Variants in AP1M1 observed in about 807,000 individuals in gnomAD.
AP1M1 encodes adaptor related protein complex 1 subunit mu 1.
AP1M1 carries 18 observed loss-of-function variants against 57.1 expected under a neutral mutation model. The observed-to-expected ratio is 0.32, with a 90% CI of 0.22 to 0.47. The LOEUF (loss-of-function observed/expected upper bound fraction) is 0.47, where lower values mean the gene tolerates loss of function less well. AP1M1 is among the 20% of genes least tolerant of loss of function. AP1M1 has a pLI of 1.00. For missense variants in AP1M1, 362 were observed against 593.5 expected (o/e 0.61, Z 4.05); for synonymous variants, 241 against 237.9 (o/e 1.01, Z -0.12).
chr19:16,210,340 A>G (rs1191937615), intron 5 of AP1M1: 13 of 717,278 alleles, frequency 1.8e-5, no homozygotes, highest in East Asian at 5.4e-5. Context: ...ATGTGTGGAC[A>G]TAAGTTTTCA....
chr19:16,221,038 T>C (rs1216565253), intron 5 of AP1M1, among the ~76,000 whole-genome samples: 1 of 152,244 alleles, frequency 6.6e-6, no homozygotes, highest in African/African-American at 2.4e-5. Flanking sequence ...TTGGGATTTG[T>C]TCAGCTTCTT....
intron 4 of AP1M1, 131 bp from the exon 5 acceptor site, chr19:16,208,899 C>A (rs1161160792): frequency 7.2e-6 from 8 of 1,109,578 alleles, no homozygotes; most frequent in Non-Finnish European, 8.9e-6. Context: ...CTGCTGAAAT[C>A]CAAGGGCTAT....
chr19:16,223,753 G>A lies in AP1M1; in HGVS notation c.547-2668G>A, dbSNP rs116681682. On this transcript the variant is annotated intron_variant, in intron 5 of 11. Coordinates refer to ENST00000291439, the MANE Select transcript of AP1M1 (RefSeq NM_032493.4). ...GCGGTGGGAACACTCTGCATTCGTG[G>A]CTCTTCCCTGGTCCACCTGCTGCTG... is the stretch of plus-strand genomic sequence containing the variant. Among the ~76,000 whole-genome samples the A allele has an allele frequency of 3.3e-3, 496 of 152,304 alleles. 2 individuals are homozygous for A. The highest frequency in any genetic ancestry group is 0.011 in the African/African-American group (469 of 41,566).
intron 5 of AP1M1, among the ~76,000 whole-genome samples, chr19:16,219,064 GTTT>G (rs35202979): frequency 7.0e-6 from 1 of 142,910 alleles, no homozygotes; most frequent in Non-Finnish European, 1.5e-5. Context: ...TTTGCTAACA[GTTT>G]TTTTTTTTTT....
Position 16,235,013 on chromosome 19 carries a change from C to T in AP1M1, c.*578C>T, listed in dbSNP as rs73928775. ...TCACCCTTCTTGTCTTCCTTCCCGGCAGCGCCCGCAGCGGGCCATTTACAC... is the reference window on the plus strand; with the variant it reads ...TCACCCTTCTTGTCTTCCTTCCCGGTAGCGCCCGCAGCGGGCCATTTACAC... On this transcript the variant is annotated 3_prime_UTR_variant, in exon 12 of 12. Coordinates refer to ENST00000291439, the MANE Select transcript of AP1M1 (RefSeq NM_032493.4). The T allele has an allele frequency of 6.4e-3, 977 of 152,922 alleles. 8 individuals carry two copies. The highest frequency in any genetic ancestry group is 0.023 in the African/African-American group (949 of 41,578). 9.5% of individuals were successfully genotyped at this position (152,922 alleles called of 1,614,324 possible).
At position 16,202,172 on chromosome 19, in the gene AP1M1, G is replaced by A. The variant is rs550403956; in HGVS notation, c.43-1287G>A. Among the ~76,000 whole-genome samples, 18 of 152,220 alleles carry A rather than the reference G, an allele frequency of 1.2e-4. No homozygotes were observed. In the South Asian group the frequency reaches 2.9e-3, roughly 25 times the overall value. On this transcript the variant is annotated intron_variant, in intron 1 of 11. Coordinates refer to ENST00000291439, the MANE Select transcript of AP1M1 (RefSeq NM_032493.4). ...GCCACCCCGCACCACCCCCAGTCTC[G>A]CCTTGAGAGAATAAAGGCAGCGTGT...
chr19:16,221,196 T>C (rs10451501), intron 5 of AP1M1, among the ~76,000 whole-genome samples: 102,876 of 152,192 alleles, frequency 0.68, 36,432 homozygotes, highest in Non-Finnish European at 0.8. Context: ...GGCACAATCT[T>C]GGCTCACTGC....
Position 16,228,007 on chromosome 19 carries a change from A to T in AP1M1, c.817-130A>T. 1 of 992,170 alleles carries T rather than the reference A, an allele frequency of 1.0e-6. No homozygotes were observed. Among genetic ancestry groups the T allele is most frequent in the Non-Finnish European group, 1.5e-6 (1 of 656,542 alleles). 61.5% of individuals were successfully genotyped at this position (992,170 alleles called of 1,614,324 possible). ...CCTGGCCCTCCCTGACGCTGGCTGTACGCTCCCTGCAGGGCTCTGGGCCCA... is the reference window on the plus strand; with the variant it reads ...CCTGGCCCTCCCTGACGCTGGCTGTTCGCTCCCTGCAGGGCTCTGGGCCCA... On this transcript the variant is annotated intron_variant, in intron 7 of 11. Coordinates refer to ENST00000291439, the MANE Select transcript of AP1M1 (RefSeq NM_032493.4). This position sits in a 1 kb window ranked among gnomAD's most constrained non-coding sequence, Gnocchi z 5.0.
intron 9 of AP1M1, 124 bp from the exon 10 acceptor site, chr19:16,233,369 G>A (rs937376729): frequency 3.0e-6 from 4 of 1,351,186 alleles, no homozygotes; most frequent in Non-Finnish European, 3.9e-6. Flanking sequence ...CAGCACAGGG[G>A]CTCATGCTCC....
rs2145126259 is a variant in AP1M1 at position 16,215,985 on chromosome 19, A to G, written c.546+6808A>G. 2.0e-5 allele frequency among the ~76,000 whole-genome samples: 3 copies of G among 152,284 alleles called. No individual in the cohort carries two copies. In the South Asian group the frequency reaches 6.2e-4, roughly 32 times the overall value. ...TGTTAATACTTGTGATTACATTATT[A>G]AATTCTTATACTGTGTTTTTCAGCT... On this transcript the variant is annotated intron_variant, in intron 5 of 11. Transcript: ENST00000291439.
chr19:16,203,313 G>A lies in AP1M1; in HGVS notation c.43-146G>A, dbSNP rs548928281. ...TTCCCTGGGGGATGGAGATCAGAACGGCCTCAAGTCCTGCTCTTTTGCGGA... is the reference window on the plus strand; with the variant it reads ...TTCCCTGGGGGATGGAGATCAGAACAGCCTCAAGTCCTGCTCTTTTGCGGA... On this transcript the variant is annotated intron_variant, in intron 1 of 11. Transcript: ENST00000291439. This position sits in a 1 kb window ranked among gnomAD's most constrained non-coding sequence, Gnocchi z 4.6. The A allele has an allele frequency of 5.8e-5, 43 of 747,310 alleles. No homozygotes were observed. The highest frequency in any genetic ancestry group is 2.1e-4 in the South Asian group (12 of 57,430). 46.3% of individuals were successfully genotyped at this position (747,310 alleles called of 1,614,324 possible).
intron 9 of AP1M1, among the ~76,000 whole-genome samples, chr19:16,232,288 G>T (rs1365269101): frequency 6.6e-6 from 1 of 152,350 alleles, no homozygotes; most frequent in East Asian, 1.9e-4. Flanking sequence ...CGTCGAGTGG[G>T]TTTTGGTGTG....
At chr19:16,199,919 A>G (rs2091440346) in intron 1 of AP1M1, among the ~76,000 whole-genome samples, 1 of 152,114 alleles carries the variant, frequency 6.6e-6, no homozygotes, top group Admixed American at 6.5e-5. Flanking sequence ...TAGGGTGTCC[A>G]TTGGCGCCAT....
chr19:16,233,513 G>T lies in AP1M1; in HGVS notation c.1068G>T (p.Met356Ile), dbSNP rs1328692864. 6.2e-7 allele frequency: 1 copy of T among 1,605,108 alleles called. No individual in the cohort carries two copies. Among genetic ancestry groups the T allele is most frequent in the Admixed American group, 1.7e-5 (1 of 58,512 alleles). ...CCCAGGGCGGCAAGGAGTACCTGATGCGGGCCCACTTCGGCCTGCCTAGTG... is the reference window on the plus strand; with the variant it reads ...CCCAGGGCGGCAAGGAGTACCTGATTCGGGCCCACTTCGGCCTGCCTAGTG... ...KSFPGGKEYL[M>I]RAHFGLPSVE... The change falls in exon 10 of 12, where the codon ATG becomes ATT. Residue 356 changes from methionine to isoleucine, a missense_variant. Coordinates refer to ENST00000291439, the MANE Select transcript of AP1M1 (RefSeq NM_032493.4).
At position 16,239,861 on chromosome 19, in the gene AP1M1, G is replaced by A. The variant is rs2145150089; in HGVS notation, c.*5426G>A. On this transcript the variant is annotated 3_prime_UTR_variant, in exon 12 of 12. Coordinates refer to ENST00000291439, the MANE Select transcript of AP1M1 (RefSeq NM_032493.4). Reference sequence around the variant, plus strand: ...ATAGATGAAGAGAATTAGTGCACTAGAAGAGAGCTGTCTGAGGCAGTTACC... The same window carrying A: ...ATAGATGAAGAGAATTAGTGCACTAAAAGAGAGCTGTCTGAGGCAGTTACC... The A allele has an allele frequency of 6.6e-6, 1 of 152,242 alleles. No homozygotes were observed. The highest frequency in any genetic ancestry group is 6.5e-5 in the Admixed American group (1 of 15,284). The allele number at this position is 152,242 out of a possible 1,614,324, so 9.4% of individuals were successfully genotyped here.
At chr19:16,233,355 T>C (rs1025847343) in intron 9 of AP1M1, 138 bp from the exon 10 acceptor site, 1 of 1,296,534 alleles carries the variant, frequency 7.7e-7, no homozygotes, top group Non-Finnish European at 1.0e-6. Flanking sequence ...GAGCTTTGGC[T>C]CCCCAGCACA....
rs560332890 is a variant in AP1M1 at position 16,209,105 on chromosome 19, C to T, written c.474C>T (p.Ser158=). 3 of 1,614,236 alleles carry T rather than the reference C, an allele frequency of 1.9e-6. No homozygotes were observed. The highest frequency in any genetic ancestry group is 2.7e-5 in the African/African-American group (2 of 75,066). Residue 158 remains serine, a synonymous_variant, in exon 5 of 12, where the codon TCC becomes TCT. Transcript: ENST00000291439. ...CAGCCACCGTCACCAACGCGGTGTC[C>T]TGGCGGTCCGAAGGCATCAAGTATC... The part of the protein sequence containing the change: ...RPPATVTNAV[S]WRSEGIKYRK...
chr19:16,232,928 C>T (rs930118589), intron 9 of AP1M1, among the ~76,000 whole-genome samples: 1 of 152,214 alleles, frequency 6.6e-6, no homozygotes, highest in African/African-American at 2.4e-5. Context: ...ACAGCCACCC[C>T]CTGCTCACCC....
In AP1M1 at chr19:16,203,714, G is replaced by A. The variant is rs890458184; in HGVS notation, c.199+99G>A. 15 of 1,320,280 alleles carry A rather than the reference G, an allele frequency of 1.1e-5. No homozygotes were observed. The highest frequency in any genetic ancestry group is 7.4e-5 in the African/African-American group (5 of 68,002). 81.8% of individuals were successfully genotyped at this position (1,320,280 alleles called of 1,614,324 possible). A position where few individuals can be genotyped will look rare whatever the true frequency, so the allele number is the denominator to read the frequency against. ...CAAGCAGGGCTGGTTTGTGCACAGC[G>A]CAAGCATTGGACACAGCCATGCCCT... On this transcript the variant is annotated intron_variant, in intron 2 of 11. Coordinates refer to ENST00000291439, the MANE Select transcript of AP1M1 (RefSeq NM_032493.4). The surrounding 1 kb of genome is among the most constrained non-coding windows in gnomAD (Gnocchi z 4.6).
Sources: gnomAD v4.1 joint callset for allele counts (sites outside exome capture counted in the v4.1 genomes callset) on GRCh38, gnomAD v4.1.1 for gene constraint, Gnocchi (gnomAD v3.1) non-coding constraint, MANE v1.5 for transcripts, NCBI Gene and HGNC (gene_info 2026-07-23, HGNC 2026-07-21) for gene names.